The following EVL variants were observed in gnomAD, a reference collection of about 807,000 sequenced individuals.
EVL encodes the protein ena/VASP-like protein.
In EVL, 21 loss-of-function variants were observed where a neutral mutation model predicts 59.6. The ratio of observed to expected loss-of-function variants is 0.35; its 90% confidence interval spans 0.25 to 0.51. The LOEUF (loss-of-function observed/expected upper bound fraction) is 0.51. EVL is among the 20% of genes least tolerant of loss of function. EVL has a pLI of 0.97. For synonymous variants in EVL, 198 were observed against 203.5 expected (o/e 0.97, Z 0.23); for missense variants, 462 against 546.6 (o/e 0.85, Z 1.54).
chr14:100,012,639 A>G (rs2061023925), intron 1 of EVL, among the ~76,000 whole-genome samples: 2 of 152,206 alleles, frequency 1.3e-5, no homozygotes, highest in African/African-American at 4.8e-5. Context: ...CAACAGATGA[A>G]CAATTCTGTG....
At chr14:99,976,671 A>G (rs1406954829) in intron 1 of EVL, among the ~76,000 whole-genome samples, 1 of 152,202 alleles carries the variant, frequency 6.6e-6, no homozygotes, top group East Asian at 1.9e-4. Context: ...GGGAGCACTT[A>G]CAATTGGCGT....
At chr14:100,074,243 G>A (rs568007046) in intron 1 of EVL, among the ~76,000 whole-genome samples, 6 of 152,248 alleles carry the variant, frequency 3.9e-5, no homozygotes, top group African/African-American at 1.2e-4. Context: ...TGTTTTTCTC[G>A]TTAGAAGTTA....
intron 1 of EVL, among the ~76,000 whole-genome samples, chr14:99,980,741 T>A (rs1387155194): frequency 6.6e-6 from 1 of 152,226 alleles, no homozygotes; most frequent in Non-Finnish European, 1.5e-5. Flanking sequence ...CTTTCCAGGC[T>A]CTCTTGTTCT....
At chr14:100,128,479 T>G in intron 5 of EVL, 40 bp from the exon 6 acceptor site, 1 of 1,605,178 alleles carries the variant, frequency 6.2e-7, no homozygotes, top group Non-Finnish European at 8.5e-7. Flanking sequence ...GGCCCCCAGC[T>G]GGGTGCTGGA....
intron 13 of EVL, among the ~76,000 whole-genome samples, chr14:100,143,422 A>G (rs576124215): frequency 6.6e-6 from 1 of 152,300 alleles, no homozygotes; most frequent in Admixed American, 6.5e-5. Flanking sequence ...ACTCCTCAGC[A>G]GCAGTGAGGC....
At chr14:100,030,199 C>T (rs1317731283) in intron 1 of EVL, among the ~76,000 whole-genome samples, 1 of 150,682 alleles carries the variant, frequency 6.6e-6, no homozygotes, top group Non-Finnish European at 1.5e-5. Context: ...TTCAGTAATT[C>T]ACCTACCGCA....
chr14:100,127,546 CTG>C lies in EVL; in HGVS notation c.487+777_487+778del, dbSNP rs149713657. On this transcript the variant is annotated intron_variant, in intron 5 of 13. Coordinates refer to ENST00000392920, the MANE Select transcript of EVL (RefSeq NM_016337.3). This position sits in a 1 kb window ranked among gnomAD's most constrained non-coding sequence, Gnocchi z 4.2. ...CTGCATTTCTGATGCAGGTCTGACACTGTCATCATGTCGTCCCTTCCCCATCA... is the reference window on the plus strand; with the variant it reads ...CTGCATTTCTGATGCAGGTCTGACACTCATCATGTCGTCCCTTCCCCATCA... Among the ~76,000 whole-genome samples, 1,140 of 152,336 alleles carry C rather than the reference CTG, an allele frequency of 7.5e-3. 19 individuals carry two copies. The highest frequency in any genetic ancestry group is 0.026 in the African/African-American group (1,075 of 41,572).
At chr14:100,133,489 C>CCAT (rs1888571978) in intron 8 of EVL, among the ~76,000 whole-genome samples, 1 of 152,240 alleles carries the variant, frequency 6.6e-6, no homozygotes, top group Non-Finnish European at 1.5e-5. Context: ...CCCTGTCCTC[C>CCAT]CATCAGTCAG....
At chr14:100,001,623 C>T (rs1217017245) in intron 1 of EVL, among the ~76,000 whole-genome samples, 1 of 152,150 alleles carries the variant, frequency 6.6e-6, no homozygotes, top group Non-Finnish European at 1.5e-5. Flanking sequence ...AAAAGACAAG[C>T]CCAGCCGTGG....
At chr14:100,087,224 T>C (rs1224814400) in intron 2 of EVL, among the ~76,000 whole-genome samples, 3 of 152,206 alleles carry the variant, frequency 2.0e-5, no homozygotes, top group African/African-American at 7.2e-5. Context: ...GGAGAAAATA[T>C]ATAGTAAGTT....
chr14:100,060,062 T>C lies in EVL; in HGVS notation c.6-24625T>C, dbSNP rs185126510. Among the ~76,000 whole-genome samples the C allele has an allele frequency of 7.2e-5, 11 of 152,314 alleles. No homozygotes were observed. In the East Asian group the frequency reaches 1.5e-3, roughly 21 times the overall value. On this transcript the variant is annotated intron_variant, in intron 1 of 13. Coordinates refer to the EVL transcript ENST00000402714. Reference sequence around the variant, plus strand: ...TTCTTCAAATTACCCATAATAAATATGTTCACAGACTTTAAGTAAAAGGTG... The same window carrying C: ...TTCTTCAAATTACCCATAATAAATACGTTCACAGACTTTAAGTAAAAGGTG...
At position 100,018,158 on chromosome 14, in the gene EVL, A is replaced by G. The variant is rs185368262; in HGVS notation, c.5+46101A>G. On this transcript the variant is annotated intron_variant, in intron 1 of 13. Coordinates refer to the EVL transcript ENST00000402714. Reference sequence around the variant, plus strand: ...TAGATTTGCAGGAGAGGCAAACACAATGTTGGATGCCACGCAGGTGGCAGC... The same window carrying G: ...TAGATTTGCAGGAGAGGCAAACACAGTGTTGGATGCCACGCAGGTGGCAGC... 3.3e-3 allele frequency among the ~76,000 whole-genome samples: 506 copies of G among 152,354 alleles called. 13 individuals are homozygous for G. Among genetic ancestry groups the G allele is most frequent in the Admixed American group, 0.027 (415 of 15,302 alleles).
At chr14:100,104,248 T>C (rs144805136) in intron 3 of EVL, among the ~76,000 whole-genome samples, 3 of 152,356 alleles carry the variant, frequency 2.0e-5, no homozygotes, top group African/African-American at 7.2e-5. Flanking sequence ...AGTTCTTCTA[T>C]TTATTATGAT....
At chr14:100,031,029 GA>G (rs2140217593) in intron 1 of EVL, among the ~76,000 whole-genome samples, 1 of 152,328 alleles carries the variant, frequency 6.6e-6, no homozygotes, top group African/African-American at 2.4e-5. Context: ...AGAACTCAGT[GA>G]AGAGCACCCT....
intron 1 of EVL, among the ~76,000 whole-genome samples, chr14:100,071,437 G>A (rs2062046612): frequency 6.6e-6 from 1 of 152,190 alleles, no homozygotes. Flanking sequence ...CTTGTCTCAT[G>A]AATTCATGGT....
rs751424314 is a variant in EVL at position 100,132,752 on chromosome 14, C to T, written c.873C>T (p.Ala291=). 15 of 1,614,010 alleles carry T rather than the reference C, an allele frequency of 9.3e-6. No individual in the cohort carries two copies. Among genetic ancestry groups the T allele is most frequent in the African/African-American group, 6.7e-5 (5 of 74,914 alleles). The part of the protein sequence containing the change: ...RKAASQSDKP[A]EKKEDESQME... ...CAGCCTCCCAGTCAGACAAGCCAGCCGAGAAGAAGGAAGATGAAAGCCAAA... is the reference window on the plus strand; with the variant it reads ...CAGCCTCCCAGTCAGACAAGCCAGCTGAGAAGAAGGAAGATGAAAGCCAAA... Residue 291 remains alanine, a synonymous_variant, in exon 8 of 14, where the codon GCC becomes GCT. Coordinates refer to ENST00000392920, the MANE Select transcript of EVL (RefSeq NM_016337.3).
intron 2 of EVL, 40 bp from the exon 3 acceptor site, chr14:100,097,441 T>A: frequency 6.4e-7 from 1 of 1,563,244 alleles, no homozygotes; most frequent in Non-Finnish European, 8.7e-7. Flanking sequence ...CACTTACATT[T>A]TATTTATTTA....
At chr14:100,097,686 G>A in intron 3 of EVL, 28 bp downstream of exon 3, 1 of 1,576,390 alleles carries the variant, frequency 6.3e-7, no homozygotes, top group South Asian at 1.2e-5. Flanking sequence ...TTGGCCTGAT[G>A]CTGAGACCCT....
At chr14:100,021,708 A>G (rs1248703182) in intron 1 of EVL, among the ~76,000 whole-genome samples, 2 of 152,250 alleles carry the variant, frequency 1.3e-5, no homozygotes, top group East Asian at 1.9e-4. Context: ...ATTTCTAACA[A>G]CTTCCCAGGT....
Sources: gnomAD v4.1 joint callset for allele counts (sites outside exome capture counted in the v4.1 genomes callset) on GRCh38, gnomAD v4.1.1 for gene constraint, Gnocchi (gnomAD v3.1) non-coding constraint, MANE v1.5 for transcripts, NCBI Gene and HGNC (gene_info 2026-07-23, HGNC 2026-07-21) for gene names.